Variants in MGST1 observed in about 807,000 individuals in gnomAD.
MGST1 encodes the protein microsomal glutathione S-transferase 1.
In MGST1, 5 loss-of-function variants were observed where a neutral mutation model predicts 8.9. The ratio of observed to expected loss-of-function variants is 0.56; its 90% confidence interval spans 0.29 to 1.19. The LOEUF (loss-of-function observed/expected upper bound fraction) is 1.19, where lower values mean the gene tolerates loss of function less well. Ranked by LOEUF, MGST1 falls within the 50% of genes most tolerant of loss-of-function variation. The pLI is 0.08. For synonymous variants in MGST1, 54 were observed against 67.8 expected, an observed-to-expected ratio of 0.80 and a Z score of 1.00; for missense variants, 182 against 187.4, an observed-to-expected ratio of 0.97 and a Z score of 0.17.
rs544465195 is a variant in MGST1 at position 16,503,403 on chromosome 12, C to A, written n.483-86125C>A. 6.6e-6 allele frequency among the ~76,000 whole-genome samples: 1 copy of A among 152,240 alleles called. No individual in the cohort carries two copies. The highest frequency in any genetic ancestry group is 1.5e-5 in the Non-Finnish European group (1 of 68,036). ...TTTGTTCTCTTACCCCAGGCTTGGG[C>A]AGAAGGTGGCAGAGGTGGTAATCAG... On this transcript the variant is annotated intron_variant and non_coding_transcript_variant, in intron 4 of 4. Transcript: ENST00000538857. The surrounding 1 kb of genome is among the most constrained non-coding windows in gnomAD (Gnocchi z 4.8).
chr12:16,489,374 G>A (rs1367750069), intron 4 of MGST1, among the ~76,000 whole-genome samples: 2 of 152,122 alleles, frequency 1.3e-5, no homozygotes, highest in Non-Finnish European at 2.9e-5. Flanking sequence ...GGTATATAGT[G>A]TTAATATTGC....
chr12:16,537,153 A>G lies in MGST1; in HGVS notation n.483-52375A>G, dbSNP rs539386425. ...AAATACAGCTGTTCCAAATGGGGGA[A>G]ATTGGCCAAAATAAAGGGATTACAG... On this transcript the variant is annotated intron_variant and non_coding_transcript_variant, in intron 4 of 4. Coordinates refer to the MGST1 transcript ENST00000538857. The surrounding 1 kb of genome is among the most constrained non-coding windows in gnomAD (Gnocchi z 4.6). Among the ~76,000 whole-genome samples, 1 of 152,222 alleles carries G rather than the reference A, an allele frequency of 6.6e-6. No individual in the cohort carries two copies. Among genetic ancestry groups the G allele is most frequent in the African/African-American group, 2.4e-5 (1 of 41,558 alleles).
In MGST1 at chr12:16,376,930, A is replaced by G. The variant is rs1940390294; in HGVS notation, c.*766A>G. 3.9e-5 allele frequency: 6 copies of G among 152,228 alleles called. No individual in the cohort carries two copies. In the South Asian group the frequency reaches 1.2e-3, roughly 32 times the overall value. The allele number at this position is 152,228 out of a possible 1,614,324, so 9.4% of individuals were successfully genotyped here. ...TGCAATAGGTACGTGGATAATTACT[A>G]TACTGTTCTCATTCCTTTTATTTAT... is the stretch of plus-strand genomic sequence containing the variant. On this transcript the variant is annotated 3_prime_UTR_variant, in exon 4 of 4. Transcript: ENST00000535309.
At chr12:16,397,592 A>C (rs1361251734) in intron 1 of MGST1, among the ~76,000 whole-genome samples, 1 of 151,998 alleles carries the variant, frequency 6.6e-6, no homozygotes, top group African/African-American at 2.4e-5. Context: ...AAAAACAAAC[A>C]ACAAAGAGTC....
At chr12:16,447,702 C>T (rs1282584919) in intron 4 of MGST1, among the ~76,000 whole-genome samples, 1 of 151,930 alleles carries the variant, frequency 6.6e-6, no homozygotes, top group Admixed American at 6.6e-5. Flanking sequence ...ATCCTGGAGG[C>T]TCTCCTGGCA....
chr12:16,514,314 G>C (rs11056971), intron 4 of MGST1: 7,015 of 297,100 alleles, frequency 0.024, 317 homozygotes, highest in East Asian at 0.15. Flanking sequence ...AGATCTTGAT[G>C]TGTCCCATGT....
chr12:16,424,442 G>A (rs565835773), intron 1 of MGST1, among the ~76,000 whole-genome samples: 1 of 152,284 alleles, frequency 6.6e-6, no homozygotes, highest in East Asian at 1.9e-4. Context: ...TCTGTAAGTT[G>A]CTGACTAAGT....
chr12:16,477,372 A>G (rs1460374259), intron 4 of MGST1, among the ~76,000 whole-genome samples: 1 of 152,192 alleles, frequency 6.6e-6, no homozygotes, highest in Non-Finnish European at 1.5e-5. Context: ...ATGTGAACTT[A>G]TAAAATTTCA....
At chr12:16,553,444 A>T (rs1287777222) in intron 4 of MGST1, among the ~76,000 whole-genome samples, 1 of 152,114 alleles carries the variant, frequency 6.6e-6, no homozygotes, top group East Asian at 1.9e-4. Context: ...CTACTATTCA[A>T]TTAAGTGGTA....
chr12:16,430,824 C>T (rs538289186), intron 1 of MGST1, among the ~76,000 whole-genome samples: 2 of 152,172 alleles, frequency 1.3e-5, no homozygotes, highest in Non-Finnish European at 2.9e-5. Flanking sequence ...TAGCCTCTAA[C>T]AAGACAGCGA....
At chr12:16,495,969 G>T (rs974892223) in intron 4 of MGST1, among the ~76,000 whole-genome samples, 1 of 151,984 alleles carries the variant, frequency 6.6e-6, no homozygotes, top group Non-Finnish European at 1.5e-5. Context: ...GTATTTATAT[G>T]ACAAAAATAT....
chr12:16,571,626 C>G (rs2137444498), intron 4 of MGST1, among the ~76,000 whole-genome samples: 1 of 152,036 alleles, frequency 6.6e-6, no homozygotes, highest in East Asian at 1.9e-4. Flanking sequence ...TATGGCAACC[C>G]TAGTAATAGC....
intron 3 of MGST1, among the ~76,000 whole-genome samples, chr12:16,372,499 A>G (rs1030070015): frequency 6.6e-6 from 1 of 152,112 alleles, no homozygotes; most frequent in Non-Finnish European, 1.5e-5. Context: ...CTCCAGTTAA[A>G]ATGGCTTTTA....
rs2137220400 is a variant in MGST1, at chr12:16,547,177, A to G, written n.483-42351A>G. On this transcript the variant is annotated intron_variant and non_coding_transcript_variant, in intron 4 of 4. Coordinates refer to the MGST1 transcript ENST00000538857. This position sits in a 1 kb window ranked among gnomAD's most constrained non-coding sequence, Gnocchi z 4.6. ...AGGCATTCTGAAATCTTCGTTTATG[A>G]TACTAATCACACAATTACCTACAGG... is the stretch of plus-strand genomic sequence containing the variant. 6.6e-6 allele frequency among the ~76,000 whole-genome samples: 1 copy of G among 152,250 alleles called. No individual in the cohort carries two copies.
rs576408347 is a variant in MGST1 at position 16,448,006 on chromosome 12, T to C, written n.482+64402T>C. Among the ~76,000 whole-genome samples the C allele has an allele frequency of 3.3e-5, 5 of 151,968 alleles. No homozygotes were observed. In the South Asian group the frequency reaches 6.2e-4, roughly 19 times the overall value. On this transcript the variant is annotated intron_variant and non_coding_transcript_variant, in intron 4 of 4. Coordinates refer to the MGST1 transcript ENST00000538857. ...TTCTGATGAATACACTGAGTAGGCA[T>C]TGGGAGTCATCTATGTATGGTAGTA... is the stretch of plus-strand genomic sequence containing the variant.
rs1227442650 is a variant in MGST1 at position 16,357,663 on chromosome 12, A to G, written c.185A>G (p.Tyr62Cys). 2.9e-5 allele frequency: 47 copies of G among 1,613,916 alleles called. No individual in the cohort carries two copies. Among genetic ancestry groups the G allele is most frequent in the Non-Finnish European group, 3.9e-5 (46 of 1,179,964 alleles). Residue 62 changes from tyrosine to cysteine, a missense_variant, in exon 3 of 4, where the codon TAT (tyrosine) becomes TGT (cysteine). Coordinates refer to ENST00000396210, the MANE Select transcript of MGST1 (RefSeq NM_020300.5). ...AFGKGENAKK[Y>C]LRTDDRVERV... ...GGCAAAGGAGAAAATGCCAAGAAGT[A>G]TCTTCGAACAGATGACAGAGTAGAA... is the stretch of plus-strand genomic sequence containing the variant.
intron 1 of MGST1, among the ~76,000 whole-genome samples, chr12:16,351,700 C>T (rs1182546675): frequency 6.6e-6 from 1 of 152,036 alleles, no homozygotes; most frequent in Non-Finnish European, 1.5e-5. Flanking sequence ...ATCCCAGCTA[C>T]TCGGGAGGCT....
intron 1 of MGST1, among the ~76,000 whole-genome samples, chr12:16,407,193 T>C (rs896745534): frequency 5.3e-5 from 8 of 152,182 alleles, no homozygotes; most frequent in Non-Finnish European, 8.8e-5. Context: ...ATCCAGCATC[T>C]CTAAGGAACT....
intron 4 of MGST1, among the ~76,000 whole-genome samples, chr12:16,588,983 G>T (rs1284516099): frequency 1.3e-5 from 2 of 151,978 alleles, no homozygotes; most frequent in African/African-American, 4.8e-5. Flanking sequence ...TTATGAATAG[G>T]ATTCCTATTT....
Sources: allele counts gnomAD v4.1 joint callset (sites outside exome capture counted in the v4.1 genomes callset), GRCh38; gene constraint gnomAD v4.1.1; non-coding constraint Gnocchi (gnomAD v3.1); transcripts MANE v1.5; gene names NCBI Gene and HGNC (gene_info 2026-07-23, HGNC 2026-07-21).